NLRP7: variants seen among roughly 807,000 people sequenced by gnomAD.
The protein encoded by NLRP7 is NACHT, LRR and PYD domains-containing protein 7.
In NLRP7, 72 loss-of-function variants were observed where a neutral mutation model predicts 85.5. That is an observed-to-expected ratio of 0.84 (90% CI 0.70 to 1.02). NLRP7 has a LOEUF of 1.02. Ranked by LOEUF, NLRP7 falls within the 50% of genes least tolerant of loss-of-function variation. The probability of loss-of-function intolerance (pLI) is 0.00; values close to 1 mark genes in which losing one functional copy is unlikely to be tolerated. For missense variants in NLRP7, 1,243 were observed against 1,219.5 expected (o/e 1.02, Z -0.29); for synonymous variants, 550 against 505.2 (o/e 1.09, Z -1.19).
rs1228784948 is a variant in NLRP7 at position 54,940,019 on chromosome 19, T to C, written c.800A>G (p.Gln267Arg). Residue 267 changes from glutamine (Q) to arginine (R), a missense_variant, in exon 4 of 10, where the codon CAG (glutamine) becomes CGG (arginine). Gln to Arg is a conservative substitution (Grantham distance 43, BLOSUM62 1). Transcript: ENST00000340844. ...CTTCTCCCAGTCCCCGCAGATGTCC[T>C]GGATCAGCGCCCCAGGTGGGACTTT... 4.3e-6 allele frequency: 7 copies of C among 1,614,052 alleles called. No homozygotes were observed. Among genetic ancestry groups the C allele is most frequent in the Admixed American group, 1.7e-5 (1 of 59,992 alleles).
chr19:54,954,704 G>A (rs2069795691), intron 1 of NLRP7, among the ~76,000 whole-genome samples: 1 of 151,884 alleles, frequency 6.6e-6, no homozygotes, highest in Non-Finnish European at 1.5e-5. Context: ...AAATTAGCCA[G>A]ACGTGATGGC....
Position 54,934,803 on chromosome 19 carries a change from G to T in NLRP7, c.2301-144C>A, listed in dbSNP as rs2043309. The T allele has an allele frequency of 9.1e-6, 6 of 657,624 alleles. No individual in the cohort carries two copies. Among genetic ancestry groups the T allele is most frequent in the Non-Finnish European group, 1.5e-5 (6 of 391,666 alleles). The allele number at this position is 657,624 out of a possible 1,614,324, so 40.7% of individuals were successfully genotyped here. The stretch of plus-strand genomic sequence containing the variant: ...CACCTCACTGCAGCCTCCGCCTCCC[G>T]GGTTCAAGCTATTCTCCTGCCTCAG... On this transcript the variant is annotated intron_variant, in intron 6 of 9. Transcript: ENST00000340844. The surrounding 1 kb of genome is among the most constrained non-coding windows in gnomAD (Gnocchi z 6.7).
At chr19:54,937,412 C>T (rs748526148) in intron 5 of NLRP7, among the ~76,000 whole-genome samples, 9 of 151,734 alleles carry the variant, frequency 5.9e-5, no homozygotes, top group Non-Finnish European at 1.0e-4. Flanking sequence ...ATAGCTGGGG[C>T]CAGGCATGGT....
exon 2 of NLRP7, chr19:54,941,653 T>C: frequency 6.2e-7 from 1 of 1,613,958 alleles, no homozygotes; most frequent in Non-Finnish European, 8.5e-7. Context: ...CTTTAATTCA[T>C]CCTCGTTCAG....
chr19:54,952,597 A>G (rs1200874477), intron 1 of NLRP7, among the ~76,000 whole-genome samples: 1 of 151,802 alleles, frequency 6.6e-6, no homozygotes, highest in Non-Finnish European at 1.5e-5. Flanking sequence ...CCATCTCAAA[A>G]AAAAAAAAAA....
intron 1 of NLRP7, among the ~76,000 whole-genome samples, chr19:54,952,922 G>A (rs58983616): frequency 1.3e-5 from 2 of 152,134 alleles, no homozygotes; most frequent in African/African-American, 4.8e-5. Flanking sequence ...TGGATTACCC[G>A]AAGTAGAGTT....
chr19:54,952,647 T>G (rs1308239897), intron 1 of NLRP7, among the ~76,000 whole-genome samples: 1 of 151,634 alleles, frequency 6.6e-6, no homozygotes, highest in African/African-American at 2.4e-5. Context: ...ATTGGAGGTT[T>G]CCTCCCATCT....
At chr19:54,957,778 G>T (rs1166800081) in intron 1 of NLRP7, among the ~76,000 whole-genome samples, 1 of 152,108 alleles carries the variant, frequency 6.6e-6, no homozygotes, top group East Asian at 1.9e-4. Flanking sequence ...AAACTGTTTT[G>T]TGTCAATGTA....
At chr19:54,924,597 C>A (rs984110630) in intron 9 of NLRP7, among the ~76,000 whole-genome samples, 6 of 151,970 alleles carry the variant, frequency 3.9e-5, no homozygotes, top group Non-Finnish European at 7.4e-5. Flanking sequence ...TGCACTCCAG[C>A]CTGGTAACAG....
At chr19:54,950,099 C>CAAA (rs1165224711), upstream of NLRP7, among the ~76,000 whole-genome samples, 1 of 128,844 alleles carries the variant, frequency 7.8e-6, no homozygotes. Context: ...TAGACTGTCT[C>CAAA]AAAAAAAAAA....
At chr19:54,951,817 C>G (rs2069678797), upstream of NLRP7, among the ~76,000 whole-genome samples, 1 of 151,734 alleles carries the variant, frequency 6.6e-6, no homozygotes, top group East Asian at 2.0e-4. Flanking sequence ...GTGGCGCAAT[C>G]TCTGCTCACT....
intron 1 of NLRP7, among the ~76,000 whole-genome samples, chr19:54,945,659 C>T (rs1385235777): frequency 6.6e-6 from 1 of 151,994 alleles, no homozygotes; most frequent in Admixed American, 6.6e-5. Flanking sequence ...AGTGCAGTGG[C>T]ACAATCTCGA....
Position 54,936,311 on chromosome 19 carries a change from C to G in NLRP7, c.2250G>C (p.Leu750=), listed in dbSNP as rs1038422379. ...GATTTCTGAGCAGGTCACACAGCAT[C>G]AGCATCATCGTGCGTTCCCACTCGA... Residue 750 remains leucine, a synonymous_variant, in exon 6 of 10, where the codon CTG becomes CTC. Coordinates refer to ENST00000340844, the Ensembl canonical transcript of NLRP7. 10 of 1,614,040 alleles carry G rather than the reference C, an allele frequency of 6.2e-6. No individual in the cohort carries two copies. The highest frequency in any genetic ancestry group is 8.5e-6 in the Non-Finnish European group (10 of 1,180,004).
intron 8 of NLRP7, among the ~76,000 whole-genome samples, 198 bp from the exon 9 acceptor site, chr19:54,930,864 C>T (rs1423716018): frequency 6.6e-6 from 1 of 151,896 alleles, no homozygotes; most frequent in Non-Finnish European, 1.5e-5. Flanking sequence ...TATAGGTGCC[C>T]GCCACCTATA....
At position 54,956,996 on chromosome 19, in the gene NLRP7, TTATG is replaced by T. The variant is rs750902773; in HGVS notation, c.-77+9040_-77+9043del. Among the ~76,000 whole-genome samples the T allele has an allele frequency of 3.0e-4, 43 of 142,542 alleles. No homozygotes were observed. In the East Asian group the frequency reaches 3.5e-3, roughly 11 times the overall value. The allele number at this position is 142,542 out of a possible 152,430, so 93.5% of individuals were successfully genotyped here. The stretch of plus-strand genomic sequence containing the variant: ...GCTCCAAGTCTCTACGCCTTTTCAT[TTATG>T]TATGTATGTATTTATTTATTTATTT... On this transcript the variant is annotated intron_variant, in intron 1 of 2. Transcript: ENST00000587103.
intron 9 of NLRP7, among the ~76,000 whole-genome samples, chr19:54,926,517 C>T (rs2068445631): frequency 6.6e-6 from 1 of 152,132 alleles, no homozygotes; most frequent in Non-Finnish European, 1.5e-5. Flanking sequence ...CAGTGGCTCA[C>T]GCCTGTAATC....
intron 9 of NLRP7, among the ~76,000 whole-genome samples, chr19:54,925,832 C>G (rs1411565102): frequency 6.6e-6 from 1 of 152,118 alleles, no homozygotes; most frequent in East Asian, 1.9e-4. Context: ...AACCCCATCT[C>G]TACTAAAAAT....
exon 2 of NLRP7, chr19:54,941,703 C>G (rs199475821): frequency 6.2e-7 from 1 of 1,612,226 alleles, no homozygotes; most frequent in Non-Finnish European, 8.5e-7. Context: ...CTAGCTGGGG[C>G]GATGTCATAG....
chr19:54,939,577 C>G (rs751935141), exon 4 of NLRP7: 21 of 1,611,750 alleles, frequency 1.3e-5, no homozygotes, highest in African/African-American at 4.0e-5. Flanking sequence ...GGAGGCTCAG[C>G]GTCCGCAGCG....
Sources: gnomAD v4.1 joint callset for allele counts (sites outside exome capture counted in the v4.1 genomes callset) on GRCh38, gnomAD v4.1.1 for gene constraint, Gnocchi (gnomAD v3.1) non-coding constraint, MANE v1.5 for transcripts, NCBI Gene and HGNC (gene_info 2026-07-23, HGNC 2026-07-21) for gene names.